LDLRAD3: variants seen among roughly 807,000 people sequenced by gnomAD.
LDLRAD3 encodes the protein low-density lipoprotein receptor class A domain-containing protein 3.
A neutral mutation model predicts 29.4 loss-of-function variants in LDLRAD3; 20 were observed. The observed-to-expected ratio is 0.68, with a 90% CI of 0.48 to 0.99. The LOEUF is 0.99. LDLRAD3 is among the 50% of genes least tolerant of loss of function. The probability of loss-of-function intolerance (pLI) is 0.00; values close to 1 mark genes in which losing one functional copy is unlikely to be tolerated. For synonymous variants in LDLRAD3, 157 were observed against 192.7 expected, an observed-to-expected ratio of 0.81 and a Z score of 1.53; for missense variants, 420 against 454.3, an observed-to-expected ratio of 0.92 and a Z score of 0.69.
At chr11:36,166,301 A>G (rs1854515033) in intron 4 of LDLRAD3, among the ~76,000 whole-genome samples, 1 of 152,174 alleles carries the variant, frequency 6.6e-6, no homozygotes, top group Admixed American at 6.5e-5. Context: ...AGAGCAAGAC[A>G]TGAGTATTCA....
At chr11:36,186,628 A>C (rs535185585) in intron 4 of LDLRAD3, among the ~76,000 whole-genome samples, 37 of 152,154 alleles carry the variant, frequency 2.4e-4, no homozygotes, top group Non-Finnish European at 4.0e-4. Flanking sequence ...ATCTCTGGGA[A>C]ATGCAGTCAG....
At chr11:36,143,660 A>G (rs1390232655) in intron 4 of LDLRAD3, among the ~76,000 whole-genome samples, 3 of 152,138 alleles carry the variant, frequency 2.0e-5, no homozygotes, top group Non-Finnish European at 2.9e-5. Context: ...TGGGTGGCTT[A>G]AATAACGGAA....
At chr11:36,107,630 C>G (rs1004712356) in intron 4 of LDLRAD3, among the ~76,000 whole-genome samples, 1 of 152,144 alleles carries the variant, frequency 6.6e-6, no homozygotes, top group African/African-American at 2.4e-5. Flanking sequence ...TACACAAATA[C>G]TTGCCATTGT....
intron 4 of LDLRAD3, among the ~76,000 whole-genome samples, chr11:36,170,523 T>C (rs1293742531): frequency 1.3e-5 from 2 of 152,152 alleles, no homozygotes; most frequent in East Asian, 3.9e-4. Flanking sequence ...AGATACCCAG[T>C]AATGAAATTG....
At chr11:36,150,809 G>GT (rs1854268408) in intron 4 of LDLRAD3, among the ~76,000 whole-genome samples, 1 of 152,006 alleles carries the variant, frequency 6.6e-6, no homozygotes, top group African/African-American at 2.4e-5. Flanking sequence ...AAGATCCCTT[G>GT]TTGAAGCTGA....
intron 1 of LDLRAD3, among the ~76,000 whole-genome samples, chr11:35,992,950 A>C (rs1851708090): frequency 6.6e-6 from 1 of 152,198 alleles, no homozygotes; most frequent in African/African-American, 2.4e-5. Flanking sequence ...TTCATATCTG[A>C]TATATTCTAA....
intron 1 of LDLRAD3, among the ~76,000 whole-genome samples, chr11:36,006,873 G>A (rs1264849380): frequency 6.6e-6 from 1 of 152,204 alleles, no homozygotes; most frequent in East Asian, 1.9e-4. Context: ...TCCAGATGTC[G>A]ACTATTCCCC....
At chr11:36,046,733 A>G (rs1159244904) in intron 2 of LDLRAD3, among the ~76,000 whole-genome samples, 3 of 152,168 alleles carry the variant, frequency 2.0e-5, no homozygotes, top group Non-Finnish European at 4.4e-5. Context: ...GGCCTTTGCA[A>G]ACTTAGCTGC....
At chr11:36,209,915 A>C (rs1855261473) in intron 4 of LDLRAD3, among the ~76,000 whole-genome samples, 1 of 152,232 alleles carries the variant, frequency 6.6e-6, no homozygotes, top group Non-Finnish European at 1.5e-5. Context: ...ACAAAAAAGA[A>C]ACTGAACAAA....
chr11:36,059,683 T>C (rs1281155995), intron 2 of LDLRAD3, among the ~76,000 whole-genome samples: 1 of 152,224 alleles, frequency 6.6e-6, no homozygotes, highest in Non-Finnish European at 1.5e-5. Context: ...CTGCCTTAGA[T>C]ATTCCTTTCC....
At chr11:36,159,051 T>C (rs1307989511) in intron 4 of LDLRAD3, among the ~76,000 whole-genome samples, 3 of 152,234 alleles carry the variant, frequency 2.0e-5, no homozygotes, top group Non-Finnish European at 4.4e-5. Flanking sequence ...TGTTGGCTGC[T>C]TTCTTAAATT....
At chr11:35,951,288 G>A (rs1402219515) in intron 1 of LDLRAD3, among the ~76,000 whole-genome samples, 3 of 152,000 alleles carry the variant, frequency 2.0e-5, no homozygotes, top group Non-Finnish European at 4.4e-5. Flanking sequence ...ATTATATACA[G>A]GTACACACAC....
chr11:36,091,037 T>C (rs907063439), intron 3 of LDLRAD3, among the ~76,000 whole-genome samples: 3 of 152,190 alleles, frequency 2.0e-5, no homozygotes, highest in African/African-American at 7.2e-5. Context: ...TTCAGTGGGC[T>C]CTGGTTTCCT....
intron 4 of LDLRAD3, among the ~76,000 whole-genome samples, chr11:36,123,291 G>A (rs57345971): frequency 0.026 from 3,962 of 152,282 alleles, 180 homozygotes; most frequent in African/African-American, 0.088. Context: ...AATGTAATAT[G>A]ATGTGTGCAA....
At chr11:36,165,503 C>G (rs945301361) in intron 4 of LDLRAD3, among the ~76,000 whole-genome samples, 6 of 152,038 alleles carry the variant, frequency 3.9e-5, no homozygotes, top group African/African-American at 1.4e-4. Context: ...TTTGATAGAA[C>G]CTTTTTTTCA....
chr11:36,009,073 A>G (rs1048806632), intron 1 of LDLRAD3, among the ~76,000 whole-genome samples: 6 of 152,092 alleles, frequency 3.9e-5, no homozygotes, highest in African/African-American at 1.4e-4. Flanking sequence ...CTCTGAGATC[A>G]AGGCCCAAGT....
Position 36,198,986 on chromosome 11 carries a change from C to T in LDLRAD3, c.455-28099C>T, listed in dbSNP as rs574168078. Among the ~76,000 whole-genome samples the T allele has an allele frequency of 3.6e-4, 55 of 152,282 alleles. No individual in the cohort carries two copies. In the South Asian group the frequency reaches 4.4e-3, roughly 12 times the overall value. On this transcript the variant is annotated intron_variant, in intron 4 of 5. Transcript: ENST00000315571. ...CGCGATCTTGGCTCACTGCAAGCTC[C>T]GCCTCCGGGGTTCACCCCATTCTCC...
intron 4 of LDLRAD3, among the ~76,000 whole-genome samples, chr11:36,189,497 G>GA (rs897645686): frequency 6.2e-5 from 9 of 145,088 alleles, no homozygotes; most frequent in Non-Finnish European, 7.6e-5. Flanking sequence ...AAATGAAGAA[G>GA]AAAAAAAAAA....
intron 2 of LDLRAD3, among the ~76,000 whole-genome samples, chr11:36,052,037 T>G (rs1320632765): frequency 6.6e-6 from 1 of 152,190 alleles, no homozygotes; most frequent in Non-Finnish European, 1.5e-5. Flanking sequence ...GGGAGTCTGG[T>G]GCTCACTGAA....
Sources: gnomAD v4.1 joint callset for allele counts (sites outside exome capture counted in the v4.1 genomes callset) on GRCh38, gnomAD v4.1.1 for gene constraint, MANE v1.5 for transcripts, NCBI Gene and HGNC (gene_info 2026-07-23, HGNC 2026-07-21) for gene names.